RBFOX1: variants seen among roughly 807,000 people sequenced by gnomAD.
RBFOX1 encodes the protein RNA binding fox-1 homolog 1, also known as RNA binding protein fox-1 homolog 1.
In RBFOX1, 8 loss-of-function variants were observed where a neutral mutation model predicts 57.7. That is an observed-to-expected ratio of 0.14 (90% CI 0.08 to 0.25). The LOEUF (loss-of-function observed/expected upper bound fraction) is 0.25, where lower values mean the gene tolerates loss of function less well. Among genes scored for constraint, RBFOX1 ranks in the 10% least tolerant of loss-of-function variants. The pLI, the probability that RBFOX1 is intolerant of heterozygous loss-of-function variation, is 1.00. For missense variants in RBFOX1, 611 were observed against 548.5 expected, an observed-to-expected ratio of 1.11 and a Z score of -1.14; for synonymous variants, 326 against 222.4, an observed-to-expected ratio of 1.47 and a Z score of -4.15.
At chr16:5,442,497 G>A (rs62016395) in intron 1 of RBFOX1, among the ~76,000 whole-genome samples, 1,706 of 152,332 alleles carry the variant, frequency 0.011, 13 homozygotes, top group Non-Finnish European at 0.017. Context: ...AGCAAGTTGT[G>A]TACATGAGGC....
At chr16:6,070,824 C>CCA (rs2095828044) in intron 1 of RBFOX1, among the ~76,000 whole-genome samples, 1 of 151,800 alleles carries the variant, frequency 6.6e-6, no homozygotes, top group Non-Finnish European at 1.5e-5. Flanking sequence ...CTCGCCCCCC[C>CCA]CACACACACA....
At chr16:7,362,711 G>C (rs1450387243) in intron 4 of RBFOX1, among the ~76,000 whole-genome samples, 1 of 152,090 alleles carries the variant, frequency 6.6e-6, no homozygotes, top group Non-Finnish European at 1.5e-5. Context: ...GTGTATGCAT[G>C]CTAGTGTGTG....
At chr16:6,154,491 C>CT (rs2152731144) in intron 1 of RBFOX1, among the ~76,000 whole-genome samples, 1 of 152,230 alleles carries the variant, frequency 6.6e-6, no homozygotes, top group South Asian at 2.1e-4. Context: ...CAGGTAGATT[C>CT]TTTTTTTCTG....
intron 4 of RBFOX1, among the ~76,000 whole-genome samples, chr16:7,284,980 C>T (rs2095620352): frequency 1.3e-5 from 2 of 151,740 alleles, no homozygotes; most frequent in South Asian, 4.2e-4. Flanking sequence ...GCCAACGCCT[C>T]ATCCCTCCGT....
At chr16:6,877,967 G>C (rs949535823) in intron 3 of RBFOX1, among the ~76,000 whole-genome samples, 2 of 152,128 alleles carry the variant, frequency 1.3e-5, no homozygotes, top group African/African-American at 2.4e-5. Flanking sequence ...TAGGGGATAA[G>C]GGTTTCAGAG....
intron 3 of RBFOX1, among the ~76,000 whole-genome samples, chr16:6,719,305 GC>G (rs2065462988): frequency 6.6e-6 from 1 of 152,050 alleles, no homozygotes; most frequent in Admixed American, 6.6e-5. Context: ...GGAAAAAATA[GC>G]CCACTTAGAC....
At chr16:7,176,898 A>C (rs991482050) in intron 4 of RBFOX1, among the ~76,000 whole-genome samples, 2 of 152,194 alleles carry the variant, frequency 1.3e-5, no homozygotes, top group Middle Eastern at 3.2e-3. Flanking sequence ...AAAATTTTTT[A>C]GATATTTCCC....
At chr16:6,955,217 C>T (rs116821306) in intron 3 of RBFOX1, among the ~76,000 whole-genome samples, 1,848 of 151,722 alleles carry the variant, frequency 0.012, 34 homozygotes, top group African/African-American at 0.042. Flanking sequence ...CTCCAGCCTG[C>T]GCAACAGAGT....
At chr16:6,561,580 C>T (rs991133104) in intron 2 of RBFOX1, among the ~76,000 whole-genome samples, 2 of 152,154 alleles carry the variant, frequency 1.3e-5, no homozygotes, top group Non-Finnish European at 2.9e-5. Flanking sequence ...GAGGGGTTGT[C>T]ATGTAGAACA....
rs77437850 is a variant in RBFOX1 at position 7,009,744 on chromosome 16, C to G, written c.-15-42313C>G. Among the ~76,000 whole-genome samples the G allele has an allele frequency of 1.1e-3, 167 of 152,302 alleles. No individual in the cohort carries two copies. In the East Asian group the frequency reaches 0.026, roughly 24 times the overall value. On this transcript the variant is annotated intron_variant, in intron 3 of 15. Coordinates refer to ENST00000550418, the MANE Select transcript of RBFOX1 (RefSeq NM_018723.4). Reference sequence around the variant, plus strand: ...ATCAGCCTGATACCACAGTAGTTCTCTTGATTAAACACTAAATTAAGTGGC... The same window carrying G: ...ATCAGCCTGATACCACAGTAGTTCTGTTGATTAAACACTAAATTAAGTGGC...
intron 4 of RBFOX1, among the ~76,000 whole-genome samples, chr16:5,987,889 A>G (rs1414628397): frequency 6.6e-6 from 1 of 152,224 alleles, no homozygotes; most frequent in African/African-American, 2.4e-5. Context: ...ATAATCCCTG[A>G]AGTTACACTG....
intron 4 of RBFOX1, among the ~76,000 whole-genome samples, chr16:7,317,460 C>T (rs1297377607): frequency 6.6e-6 from 1 of 152,136 alleles, no homozygotes; most frequent in Admixed American, 6.5e-5. Flanking sequence ...CAATCCAGTG[C>T]TATTATCACC....
rs1407696078 is a variant in RBFOX1, at chr16:6,881,084, C to T, written c.-15-170973C>T. On this transcript the variant is annotated intron_variant, in intron 3 of 15. Transcript: ENST00000550418. ...TGCTAATCAATCATGGCACTTTTAC[C>T]CACTGAGTCTGAGCTGGTCTTACCA... Among the ~76,000 whole-genome samples the T allele has an allele frequency of 2.6e-5, 4 of 152,160 alleles. No individual in the cohort carries two copies. The South Asian group carries it at 8.3e-4, about 32-fold the overall frequency.
chr16:7,156,083 G>A (rs113276016), intron 4 of RBFOX1, among the ~76,000 whole-genome samples: 22 of 151,968 alleles, frequency 1.4e-4, no homozygotes, highest in African/African-American at 5.1e-4. Context: ...TGTTGCTCAG[G>A]GTGGTCTCAA....
intron 4 of RBFOX1, among the ~76,000 whole-genome samples, chr16:5,891,676 G>T (rs1184542523): frequency 6.6e-6 from 1 of 152,156 alleles, no homozygotes; most frequent in Non-Finnish European, 1.5e-5. Context: ...CCTAGGAAGA[G>T]CAGAGACTGG....
intron 5 of RBFOX1, among the ~76,000 whole-genome samples, chr16:7,529,533 A>G (rs962697966): frequency 6.6e-6 from 1 of 152,216 alleles, no homozygotes; most frequent in African/African-American, 2.4e-5. Context: ...TTGTTAAACC[A>G]CTATTATAAT....
intron 15 of RBFOX1, chr16:7,710,149 G>C (rs2083744100): frequency 7.8e-6 from 8 of 1,023,610 alleles, no homozygotes; most frequent in African/African-American, 1.7e-5. Context: ...CCCTTCTCAA[G>C]ATCAGATTCC....
intron 1 of RBFOX1, among the ~76,000 whole-genome samples, chr16:5,256,913 G>C (rs2062603519): frequency 6.6e-6 from 1 of 151,580 alleles, no homozygotes; most frequent in African/African-American, 2.4e-5. Flanking sequence ...CAGCCTGAGT[G>C]ACAGAGTGAG....
chr16:7,690,765 G>C (rs1479967623), intron 14 of RBFOX1, among the ~76,000 whole-genome samples: 1 of 152,016 alleles, frequency 6.6e-6, no homozygotes, highest in Non-Finnish European at 1.5e-5. Context: ...CTTGAGAGAG[G>C]GTCATAGATG....
Sources: allele counts gnomAD v4.1 joint callset (sites outside exome capture counted in the v4.1 genomes callset), GRCh38; gene constraint gnomAD v4.1.1; transcripts MANE v1.5; gene names NCBI Gene and HGNC (gene_info 2026-07-23, HGNC 2026-07-21).